The following FERMT1 variants were observed in gnomAD, a reference collection of about 807,000 sequenced individuals.
FERMT1 encodes fermitin family homolog 1.
In FERMT1, 60 loss-of-function variants were observed where a neutral mutation model predicts 85.3. The ratio of observed to expected loss-of-function variants is 0.70; its 90% CI spans 0.57 to 0.87. The LOEUF is 0.87. Among genes scored for constraint, FERMT1 ranks in the 40% least tolerant of loss-of-function variants. FERMT1 has a pLI of 0.00. For synonymous variants in FERMT1, 275 were observed against 301.1 expected (o/e 0.91, Z 0.90); for missense variants, 701 against 818.9 (o/e 0.86, Z 1.76).
At chr20:6,112,815 A>G (rs763550393) in intron 3 of FERMT1, among the ~76,000 whole-genome samples, 192 bp from the exon 4 acceptor site, 22 of 152,334 alleles carry the variant, frequency 1.4e-4, no homozygotes, top group Non-Finnish European at 2.8e-4. Flanking sequence ...TGGGGGGAGA[A>G]AACGGTGGAG....
At chr20:6,107,916 AGTGCAGTG>A (rs1360184012) in intron 5 of FERMT1, among the ~76,000 whole-genome samples, 39 of 152,328 alleles carry the variant, frequency 2.6e-4, no homozygotes, top group African/African-American at 8.9e-4. Flanking sequence ...CCTAGGCTTT[AGTGCAGTG>A]GTGCAGTCTC....
In FERMT1 at chr20:6,081,345, C is replaced by A. The variant is rs771456295; in HGVS notation, c.1719-1768G>T. The stretch of plus-strand genomic sequence containing the variant: ...ATTGGAAAGATGAGAAAGAACCAGC[C>A]AAGGAGACCAAAAGAACTGGTCAGT... On this transcript the variant is annotated intron_variant, in intron 13 of 14. Transcript: ENST00000217289. Among the ~76,000 whole-genome samples, 6 of 151,832 alleles carry A rather than the reference C, an allele frequency of 4.0e-5. 1 individual carries two copies. The highest frequency in any genetic ancestry group is 4.2e-4 in the South Asian group (2 of 4,790).
intron 9 of FERMT1, among the ~76,000 whole-genome samples, chr20:6,092,252 A>G (rs376678092): frequency 1.3e-5 from 2 of 152,280 alleles, no homozygotes; most frequent in Admixed American, 6.5e-5. Flanking sequence ...AGACATTTAA[A>G]TTTGTATCTA....
intron 14 of FERMT1, among the ~76,000 whole-genome samples, chr20:6,078,261 A>G (rs1157391599): frequency 6.6e-6 from 1 of 152,202 alleles, no homozygotes; most frequent in Non-Finnish European, 1.5e-5. Flanking sequence ...TCAAGGCTTT[A>G]GAGCTACCGC....
chr20:6,077,577 C>T (rs1444146697), intron 14 of FERMT1, among the ~76,000 whole-genome samples: 2 of 152,220 alleles, frequency 1.3e-5, no homozygotes. Flanking sequence ...GTTAAAAAAA[C>T]TCCCAACACA....
chr20:6,080,577 G>T (rs1207617352), intron 13 of FERMT1, among the ~76,000 whole-genome samples: 1 of 152,158 alleles, frequency 6.6e-6, no homozygotes, highest in East Asian at 1.9e-4. Context: ...CTCTGGACCG[G>T]CTCTGTGATG....
intron 1 of FERMT1, among the ~76,000 whole-genome samples, chr20:6,121,478 C>T (rs1391750450): frequency 6.6e-6 from 1 of 151,840 alleles, no homozygotes; most frequent in East Asian, 1.9e-4. Flanking sequence ...CCTCCCCATG[C>T]ACAGAGATCC....
intron 6 of FERMT1, among the ~76,000 whole-genome samples, chr20:6,099,696 A>G (rs1016373551): frequency 2.0e-5 from 3 of 151,556 alleles, no homozygotes; most frequent in African/African-American, 7.3e-5. Flanking sequence ...GCAATGTAGC[A>G]AGACTCTTGT....
intron 10 of FERMT1, among the ~76,000 whole-genome samples, chr20:6,088,734 C>T (rs1192977208): frequency 6.6e-6 from 1 of 151,370 alleles, no homozygotes; most frequent in African/African-American, 2.4e-5. Flanking sequence ...AGTGGTCCTC[C>T]TGCCTCAGCC....
At chr20:6,117,363 G>A (rs1265740395) in intron 2 of FERMT1, among the ~76,000 whole-genome samples, 1 of 147,920 alleles carries the variant, frequency 6.8e-6, no homozygotes, top group Non-Finnish European at 1.5e-5. Context: ...CTGCCTCCTG[G>A]GTTCAAGCGA....
chr20:6,106,032 G>A (rs980482392), intron 6 of FERMT1, among the ~76,000 whole-genome samples: 2 of 152,108 alleles, frequency 1.3e-5, no homozygotes, highest in Non-Finnish European at 2.9e-5. Context: ...GTATGGATTT[G>A]GTTTTAGCAG....
intron 9 of FERMT1, 119 bp downstream of exon 9, chr20:6,094,820 C>T (rs538690401): frequency 1.2e-4 from 87 of 731,902 alleles, no homozygotes; most frequent in Admixed American, 8.5e-4. Flanking sequence ...GATGGCAAAG[C>T]GCACATTTTA....
chr20:6,108,123 C>A (rs1416613200), intron 5 of FERMT1, among the ~76,000 whole-genome samples: 1 of 152,224 alleles, frequency 6.6e-6, no homozygotes, highest in Non-Finnish European at 1.5e-5. Context: ...GCCTTGGCCT[C>A]CCAATGTGCT....
rs1983079831 is a variant in FERMT1 at position 6,115,808 on chromosome 20, TACTC to T, written c.384_385+2del. 6.2e-7 allele frequency: 1 copy of T among 1,610,900 alleles called. No individual in the cohort carries two copies. The highest frequency in any genetic ancestry group is 1.3e-5 in the African/African-American group (1 of 74,868). On this transcript the variant is annotated splice_donor_variant and coding_sequence_variant, in exon 3 of 15. Coordinates refer to ENST00000217289, the MANE Select transcript of FERMT1 (RefSeq NM_017671.5). LOFTEE classifies it high-confidence loss of function. ...GGCACAGGGGCCTTTCCTGGGTACT[TACTC>T]AGGATTTTGCAGATATCACTGACAG...
intron 2 of FERMT1, among the ~76,000 whole-genome samples, chr20:6,118,435 A>G (rs1003867940): frequency 1.3e-5 from 2 of 152,136 alleles, no homozygotes; most frequent in Admixed American, 1.3e-4. Context: ...CTGATGTTCT[A>G]TTTCGTGATC....
intron 4 of FERMT1, among the ~76,000 whole-genome samples, chr20:6,112,165 C>T (rs780338341): frequency 1.3e-4 from 20 of 152,082 alleles, no homozygotes; most frequent in African/African-American, 1.9e-4. Context: ...CATGAGGCAC[C>T]GTGACCAGCC....
chr20:6,116,089 G>T (rs948444472), intron 2 of FERMT1, 45 bp from the exon 3 acceptor site: 1 of 1,349,868 alleles, frequency 7.4e-7, no homozygotes, highest in Non-Finnish European at 1.1e-6. Context: ...AGAGGGCCCA[G>T]CTTGGAGGGT....
chr20:6,114,000 T>A (rs2123147402), intron 3 of FERMT1, among the ~76,000 whole-genome samples: 1 of 152,342 alleles, frequency 6.6e-6, no homozygotes, highest in East Asian at 1.9e-4. Context: ...TCATTCCAGG[T>A]AAAAACCAAT....
At chr20:6,085,334 CT>C in intron 11 of FERMT1, 47 bp from the exon 12 acceptor site, 2 of 1,544,524 alleles carry the variant, frequency 1.3e-6, no homozygotes, top group Non-Finnish European at 1.8e-6. Context: ...GCAAAGCCCC[CT>C]GCTGCACACA....
Sources: allele counts gnomAD v4.1 joint callset (sites outside exome capture counted in the v4.1 genomes callset), GRCh38; gene constraint gnomAD v4.1.1; transcripts MANE v1.5; gene names NCBI Gene and HGNC (gene_info 2026-07-23, HGNC 2026-07-21).